Variants in ANP32E observed in about 807,000 individuals in gnomAD.
The protein encoded by ANP32E is acidic leucine-rich nuclear phosphoprotein 32 family member E.
ANP32E carries 14 observed loss-of-function variants against 35.3 expected under a neutral mutation model. That is an observed-to-expected ratio of 0.40 (90% CI 0.26 to 0.62). ANP32E has a LOEUF of 0.62. Among genes scored for constraint, ANP32E ranks in the 20% least tolerant of loss-of-function variants. The probability of loss-of-function intolerance (pLI) is 0.45; values close to 1 mark genes in which losing one functional copy is unlikely to be tolerated. For synonymous variants in ANP32E, 89 were observed against 110.4 expected (o/e 0.81, Z 1.22); for missense variants, 198 against 304.4 (o/e 0.65, Z 2.60).
intron 5 of ANP32E, among the ~76,000 whole-genome samples, chr1:150,224,966 T>C (rs587757950): frequency 1.1e-4 from 17 of 152,154 alleles, no homozygotes; most frequent in Non-Finnish European, 2.4e-4. Flanking sequence ...CAAAGGTGAG[T>C]GGCACTCCCC....
At chr1:150,226,458 G>A in intron 5 of ANP32E, 150 bp downstream of exon 5, 1 of 813,226 alleles carries the variant, frequency 1.2e-6, no homozygotes, top group Non-Finnish European at 1.9e-6. Context: ...GTTTGGGGTG[G>A]AGGACAATGA....
chr1:150,222,746 G>T (rs1324815979), intron 6 of ANP32E, among the ~76,000 whole-genome samples: 2 of 151,278 alleles, frequency 1.3e-5, no homozygotes, highest in Non-Finnish European at 2.9e-5. Context: ...AACAAAGTAA[G>T]ACCCTGTTTC....
chr1:150,221,699 G>C (rs1553838103), intron 6 of ANP32E, among the ~76,000 whole-genome samples: 1 of 152,092 alleles, frequency 6.6e-6, no homozygotes, highest in Non-Finnish European at 1.5e-5. Flanking sequence ...AACAGGCTTA[G>C]AAATCCATAA....
chr1:150,225,391 C>T (rs587646239), intron 5 of ANP32E, among the ~76,000 whole-genome samples: 1 of 151,982 alleles, frequency 6.6e-6, no homozygotes, highest in East Asian at 1.9e-4. Context: ...AAGCAGGGGC[C>T]GGGCACAGTG....
chr1:150,228,583 T>C (rs781828692), intron 4 of ANP32E, among the ~76,000 whole-genome samples: 1 of 151,810 alleles, frequency 6.6e-6, no homozygotes, highest in Non-Finnish European at 1.5e-5. Context: ...TCCCAGCAAC[T>C]TGGGAGGCTG....
At chr1:150,222,344 G>A (rs1198263169) in intron 6 of ANP32E, among the ~76,000 whole-genome samples, 10 of 151,344 alleles carry the variant, frequency 6.6e-5, no homozygotes, top group African/African-American at 1.9e-4. Context: ...GCGTGAACCC[G>A]GGAGGCAGAG....
chr1:150,228,972 A>G, intron 4 of ANP32E, 100 bp downstream of exon 4: 1 of 990,918 alleles, frequency 1.0e-6, no homozygotes, highest in Non-Finnish European at 1.5e-6. Flanking sequence ...CTTGTTGTGG[A>G]TTTTTTTTTT....
chr1:150,234,431 A>C (rs1649610362), intron 1 of ANP32E: 3 of 259,098 alleles, frequency 1.2e-5, no homozygotes, highest in Non-Finnish European at 1.8e-5. Flanking sequence ...GCACTTAAAA[A>C]AAAAAAAAAA....
chr1:150,232,997 G>A (rs1280371442), intron 1 of ANP32E, among the ~76,000 whole-genome samples: 1 of 151,874 alleles, frequency 6.6e-6, no homozygotes, highest in African/African-American at 2.4e-5. Flanking sequence ...AGGCTCGGGG[G>A]CTCACGCCTG....
chr1:150,235,640 A>AGC lies in ANP32E; in HGVS notation c.54+92_54+93insGC. ...CCGGGGGGATGGGGGCTAACTTATT[A>AGC]CTCCATCCCCGCACACCCACCCAGG... On this transcript the variant is annotated intron_variant, in intron 1 of 6. Transcript: ENST00000583931. The surrounding 1 kb of genome is among the most constrained non-coding windows in gnomAD (Gnocchi z 4.2). 1 of 1,424,402 alleles carries AGC rather than the reference A, an allele frequency of 7.0e-7. No homozygotes were observed. The highest frequency in any genetic ancestry group is 9.8e-7 in the Non-Finnish European group (1 of 1,025,262). 88.2% of individuals were successfully genotyped at this position (1,424,402 alleles called of 1,614,324 possible).
In ANP32E at chr1:150,229,181, C is replaced by T; in HGVS notation, c.384G>A (p.Leu128=). 1 of 1,612,776 alleles carries T rather than the reference C, an allele frequency of 6.2e-7. No homozygotes were observed. The highest frequency in any genetic ancestry group is 1.1e-5 in the South Asian group (1 of 91,036). ...CAAAAATACTTTCTCTATAATCTTCCAGGTTTGTGATCTCACAGTTAAACA... is the reference window on the plus strand; with the variant it reads ...CAAAAATACTTTCTCTATAATCTTCTAGGTTTGTGATCTCACAGTTAAACA... The part of the protein sequence containing the change: ...LDLFNCEITN[L]EDYRESIFEL... Residue 128 remains leucine, a synonymous_variant, in exon 4 of 7, where the codon CTG becomes CTA. Transcript: ENST00000583931.
intron 5 of ANP32E, 151 bp downstream of exon 5, chr1:150,226,457 G>T: frequency 2.5e-6 from 2 of 807,036 alleles, no homozygotes; most frequent in Non-Finnish European, 3.8e-6. Flanking sequence ...AGTTTGGGGT[G>T]GAGGACAATG....
rs1331106532 is a variant in ANP32E at position 150,219,400 on chromosome 1, C to T, written c.*1291G>A. 3.9e-5 allele frequency: 6 copies of T among 152,124 alleles called. No homozygotes were observed. Among genetic ancestry groups the T allele is most frequent in the African/African-American group, 1.4e-4 (6 of 41,438 alleles). The allele number at this position is 152,124 out of a possible 1,614,324, so 9.4% of individuals were successfully genotyped here. ...CTTTTAATGGACATCCACTTGAAAA[C>T]AAATCTTAATTTTAATGTCAATTTA... On this transcript the variant is annotated 3_prime_UTR_variant, in exon 7 of 7. Transcript: ENST00000583931.
At chr1:150,223,451 C>T (rs1157415524) in intron 5 of ANP32E, among the ~76,000 whole-genome samples, 1 of 152,068 alleles carries the variant, frequency 6.6e-6, no homozygotes, top group African/African-American at 2.4e-5. Context: ...GAGGCCAAGG[C>T]GGGCAGATGA....
At position 150,222,459 on chromosome 1, in the gene ANP32E, T is replaced by C. The variant is rs587614840; in HGVS notation, c.736+727A>G. 6.7e-3 allele frequency among the ~76,000 whole-genome samples: 727 copies of C among 108,418 alleles called. 5 individuals are homozygous for C. The highest frequency in any genetic ancestry group is 0.024 in the African/African-American group (691 of 28,350). The allele number at this position is 108,418 out of a possible 152,430, so 71.1% of individuals were successfully genotyped here. A position where few individuals can be genotyped will look rare whatever the true frequency, so the allele number is the denominator to read the frequency against. The stretch of plus-strand genomic sequence containing the variant: ...ATAAATAAAATAAAATAAAATAAAA[T>C]AAAATAAAAATATTGGTTGGCCATG... On this transcript the variant is annotated intron_variant, in intron 6 of 6. Transcript: ENST00000583931.
chr1:150,226,748 G>T lies in ANP32E; in HGVS notation c.541C>A (p.Pro181Thr). The T allele has an allele frequency of 6.3e-7, 1 of 1,591,434 alleles. No individual in the cohort carries two copies. ...EEEEENEAGP[P>T]EGYEEEEEEE... Reference sequence around the variant, plus strand: ...TCCTCCTCTTCCTCATATCCTTCCGGTGGACCAGCTTCATTTTCCTCTTCC... The same window carrying T: ...TCCTCCTCTTCCTCATATCCTTCCGTTGGACCAGCTTCATTTTCCTCTTCC... Residue 181 changes from proline to threonine, a missense_variant, in exon 5 of 7, where the codon CCG becomes ACG. By Grantham distance (38) the Pro-to-Thr change is conservative. Coordinates refer to ENST00000583931, the MANE Select transcript of ANP32E (RefSeq NM_030920.5).
chr1:150,227,806 T>TTTTTTTTTTTTTTTTTG (rs1553840516), intron 4 of ANP32E, among the ~76,000 whole-genome samples: 1 of 142,368 alleles, frequency 7.0e-6, no homozygotes, highest in Non-Finnish European at 1.6e-5. Flanking sequence ...AATTTCTTTT[T>TTTTTTTTTTTTTTTTTG]ACGATGAAGA....
At chr1:150,230,532 C>T in intron 3 of ANP32E, 39 bp downstream of exon 3, 1 of 1,512,142 alleles carries the variant, frequency 6.6e-7, no homozygotes, top group Non-Finnish European at 8.9e-7. Flanking sequence ...AAAATTTAAC[C>T]AAAAAAAGCA....
intron 3 of ANP32E, 52 bp from the exon 4 acceptor site, chr1:150,229,289 T>C: frequency 1.1e-6 from 1 of 925,146 alleles, no homozygotes; most frequent in Non-Finnish European, 1.5e-6. Context: ...ACCATGTTAT[T>C]TCTTTTTTCT....
Sources: allele counts gnomAD v4.1 joint callset (sites outside exome capture counted in the v4.1 genomes callset), GRCh38; gene constraint gnomAD v4.1.1; non-coding constraint Gnocchi (gnomAD v3.1); transcripts MANE v1.5; gene names NCBI Gene and HGNC (gene_info 2026-07-23, HGNC 2026-07-21).